CDH12: variants seen among roughly 807,000 people sequenced by gnomAD.
CDH12 encodes the protein cadherin-12.
In CDH12, 41 loss-of-function variants were observed where a neutral mutation model predicts 74.1. The ratio of observed to expected loss-of-function variants is 0.55; its 90% CI spans 0.43 to 0.72. The LOEUF is 0.72. Ranked by LOEUF, CDH12 falls within the 30% of genes least tolerant of loss-of-function variation. The probability of loss-of-function intolerance (pLI) is 0.00; values close to 1 mark genes in which losing one functional copy is unlikely to be tolerated. For synonymous variants in CDH12, 399 were observed against 355.0 expected (o/e 1.12, Z -1.39); for missense variants, 945 against 977.2 (o/e 0.97, Z 0.44).
intron 1 of CDH12, among the ~76,000 whole-genome samples, chr5:22,575,656 C>T (rs1201496760): frequency 1.3e-5 from 2 of 152,116 alleles, no homozygotes; most frequent in Non-Finnish European, 2.9e-5. Context: ...CGTCTGCCTC[C>T]TGGGTTCAAG....
At chr5:22,700,488 C>T (rs917149568) in intron 1 of CDH12, among the ~76,000 whole-genome samples, 10 of 152,178 alleles carry the variant, frequency 6.6e-5, no homozygotes, top group African/African-American at 2.4e-4. Flanking sequence ...TCACTCCAAA[C>T]CTTGTTATGT....
At chr5:22,753,829 G>A (rs143395980) in intron 1 of CDH12, among the ~76,000 whole-genome samples, 2 of 151,814 alleles carry the variant, frequency 1.3e-5, no homozygotes, top group Non-Finnish European at 2.9e-5. Flanking sequence ...TGTTTCCTTA[G>A]TTCTTAAAAA....
intron 1 of CDH12, among the ~76,000 whole-genome samples, chr5:22,560,398 G>A (rs957249650): frequency 6.6e-6 from 1 of 152,010 alleles, no homozygotes; most frequent in Non-Finnish European, 1.5e-5. Flanking sequence ...AGAGTTTTTA[G>A]GCATTCACTG....
intron 1 of CDH12, among the ~76,000 whole-genome samples, chr5:22,711,219 C>A (rs1743270543): frequency 6.6e-6 from 1 of 151,938 alleles, no homozygotes; most frequent in South Asian, 2.1e-4. Flanking sequence ...TGCAATACAA[C>A]AGGTCGAAGT....
At chr5:22,493,062 T>A (rs1284231006) in intron 2 of CDH12, among the ~76,000 whole-genome samples, 1 of 152,200 alleles carries the variant, frequency 6.6e-6, no homozygotes, top group Admixed American at 6.5e-5. Context: ...AACTTATCCC[T>A]CCTGGGTGTC....
chr5:22,320,273 G>GGGGA (rs1738812479), intron 3 of CDH12, among the ~76,000 whole-genome samples: 2 of 152,114 alleles, frequency 1.3e-5, no homozygotes, highest in South Asian at 4.1e-4. Flanking sequence ...GTTTCACATA[G>GGGGA]GGGAGAGTTT....
At chr5:22,352,572 C>T (rs541144384) in intron 3 of CDH12, among the ~76,000 whole-genome samples, 25 of 152,058 alleles carry the variant, frequency 1.6e-4, no homozygotes, top group Non-Finnish European at 2.9e-4. Flanking sequence ...GAGAGAGAGA[C>T]AACGTTATAA....
intron 6 of CDH12, among the ~76,000 whole-genome samples, chr5:21,915,826 G>GTA (rs1208896488): frequency 7.2e-4 from 97 of 135,252 alleles, no homozygotes; most frequent in African/African-American, 2.9e-3. Flanking sequence ...TTTGTGCTGT[G>GTA]TGTGTGTGTG....
intron 3 of CDH12, among the ~76,000 whole-genome samples, chr5:22,336,953 G>T (rs914694246): frequency 3.9e-5 from 6 of 152,194 alleles, no homozygotes; most frequent in Non-Finnish European, 7.3e-5. Flanking sequence ...TGTGAAAGCA[G>T]CTGGGAGGGA....
chr5:22,779,127 A>C (rs2126340020), intron 1 of CDH12, among the ~76,000 whole-genome samples: 1 of 152,142 alleles, frequency 6.6e-6, no homozygotes, highest in Middle Eastern at 3.4e-3. Flanking sequence ...TCCTGAAGGA[A>C]GTTTGTACAA....
At chr5:21,832,491 C>G (rs1255277322) in intron 8 of CDH12, among the ~76,000 whole-genome samples, 1 of 151,662 alleles carries the variant, frequency 6.6e-6, no homozygotes, top group Non-Finnish European at 1.5e-5. Flanking sequence ...CAATGTTAGC[C>G]TCAAAGCACA....
intron 3 of CDH12, among the ~76,000 whole-genome samples, chr5:22,271,591 T>A (rs1736402314): frequency 1.3e-5 from 2 of 152,192 alleles, no homozygotes; most frequent in Non-Finnish European, 2.9e-5. Context: ...AAGGAATCAC[T>A]ATCTATGAAA....
At chr5:22,332,982 T>C (rs922643962) in intron 3 of CDH12, among the ~76,000 whole-genome samples, 20 of 152,114 alleles carry the variant, frequency 1.3e-4, no homozygotes, top group African/African-American at 4.3e-4. Flanking sequence ...ACCCAAAGGA[T>C]TATAAATCAT....
chr5:22,558,664 AAACTTAAGGAAATGGT>A (rs1738909093), intron 1 of CDH12, among the ~76,000 whole-genome samples: 1 of 152,074 alleles, frequency 6.6e-6, no homozygotes, highest in African/African-American at 2.4e-5. Flanking sequence ...AAAAACCATA[AAACTTAAGGAAATGGT>A]AAATTACGAA....
At chr5:21,895,682 T>G (rs1038366681) in intron 6 of CDH12, among the ~76,000 whole-genome samples, 9 of 152,192 alleles carry the variant, frequency 5.9e-5, no homozygotes, top group African/African-American at 1.9e-4. Flanking sequence ...GAGGAGCCAC[T>G]GCCCCCCACC....
At chr5:21,994,493 C>T (rs950511642) in intron 5 of CDH12, among the ~76,000 whole-genome samples, 3 of 152,138 alleles carry the variant, frequency 2.0e-5, no homozygotes, top group African/African-American at 7.2e-5. Flanking sequence ...TTCCTACTTT[C>T]TTTTCCATGC....
At chr5:22,275,021 C>T (rs1385127578) in intron 3 of CDH12, among the ~76,000 whole-genome samples, 10 of 152,034 alleles carry the variant, frequency 6.6e-5, no homozygotes, top group Non-Finnish European at 1.5e-4. Context: ...TAAAATTCAA[C>T]ATTATGAAAA....
chr5:22,321,648 A>T (rs1738889457), intron 3 of CDH12, among the ~76,000 whole-genome samples: 1 of 152,094 alleles, frequency 6.6e-6, no homozygotes. Flanking sequence ...GTATAATAAA[A>T]AAAATAAATT....
At chr5:22,195,988 T>G (rs1161341656) in intron 4 of CDH12, among the ~76,000 whole-genome samples, 1 of 152,154 alleles carries the variant, frequency 6.6e-6, no homozygotes. Flanking sequence ...TTAACCTAGA[T>G]GTTTACATAG....
Sources: allele counts gnomAD v4.1 joint callset (sites outside exome capture counted in the v4.1 genomes callset), GRCh38; gene constraint gnomAD v4.1.1; transcripts MANE v1.5; gene names NCBI Gene and HGNC (gene_info 2026-07-23, HGNC 2026-07-21).